ALK: variants seen among roughly 807,000 people sequenced by gnomAD.
The protein encoded by ALK is ALK receptor tyrosine kinase, also known as ALK tyrosine kinase receptor.
Under a neutral mutation model 163.1 loss-of-function variants are expected in ALK, and 74 were observed. That is an observed-to-expected ratio of 0.45 (90% CI 0.38 to 0.55). The LOEUF (loss-of-function observed/expected upper bound fraction) is 0.55, where lower values mean the gene tolerates loss of function less well. ALK is among the 20% of genes least tolerant of loss of function. The pLI is 0.00. For missense variants in ALK, 2,063 were observed against 2,105.3 expected, an observed-to-expected ratio of 0.98 and a Z score of 0.39; for synonymous variants, 960 against 843.2, an observed-to-expected ratio of 1.14 and a Z score of -2.40.
At chr2:29,817,152 A>T (rs1331721470) in intron 1 of ALK, among the ~76,000 whole-genome samples, 1 of 149,548 alleles carries the variant, frequency 6.7e-6, no homozygotes, top group Non-Finnish European at 1.5e-5. Flanking sequence ...CCAGCCTGAG[A>T]CCAACCAGGT....
At chr2:29,627,785 G>C (rs1400582342) in intron 3 of ALK, among the ~76,000 whole-genome samples, 1 of 152,204 alleles carries the variant, frequency 6.6e-6, no homozygotes, top group African/African-American at 2.4e-5. Context: ...TCATCTTTCT[G>C]TCAGGCTGCA....
intron 3 of ALK, among the ~76,000 whole-genome samples, chr2:29,681,973 G>C (rs748443304): frequency 5.9e-5 from 9 of 152,154 alleles, no homozygotes; most frequent in Non-Finnish European, 1.2e-4. Context: ...AACTAAGCTT[G>C]TTTCTCTAGC....
intron 6 of ALK, among the ~76,000 whole-genome samples, chr2:29,326,843 C>T (rs958027542): frequency 3.9e-5 from 6 of 152,150 alleles, no homozygotes; most frequent in Non-Finnish European, 5.9e-5. Context: ...TGTTTTAAAA[C>T]GTATTTTGGA....
rs372410498 is a variant in ALK, at chr2:29,921,581, G to T, written c.-922C>A. The T allele has an allele frequency of 1.7e-4, 40 of 230,248 alleles. No individual in the cohort carries two copies. The highest frequency in any genetic ancestry group is 8.6e-4 in the African/African-American group (39 of 45,164). 14.3% of individuals were successfully genotyped at this position (230,248 alleles called of 1,614,324 possible). A position where few individuals can be genotyped will look rare whatever the true frequency, so the allele number is the denominator to read the frequency against. On this transcript the variant is annotated 5_prime_UTR_variant, in exon 1 of 29. Coordinates refer to ENST00000389048, the MANE Select transcript of ALK (RefSeq NM_004304.5). ...CTGCCGCCCCCAGAGCCGCTGGATC[G>T]CATCTGCCTGGGCGCCCGCCACTTG...
intron 4 of ALK, among the ~76,000 whole-genome samples, chr2:29,419,784 A>G (rs1669972599): frequency 6.6e-6 from 1 of 151,484 alleles, no homozygotes; most frequent in Non-Finnish European, 1.5e-5. Flanking sequence ...AAGAATGGAG[A>G]CACCTTGGGA....
chr2:29,526,442 G>C (rs144420973), intron 4 of ALK, among the ~76,000 whole-genome samples: 1 of 152,278 alleles, frequency 6.6e-6, no homozygotes, highest in Non-Finnish European at 1.5e-5. Flanking sequence ...GAGTTTTAAG[G>C]CTTTTAAAAA....
chr2:29,663,130 G>A (rs1448660469), intron 3 of ALK, among the ~76,000 whole-genome samples: 2 of 152,032 alleles, frequency 1.3e-5, no homozygotes, highest in African/African-American at 4.8e-5. Context: ...TCCTTAAAGG[G>A]CAATTCATAA....
chr2:29,443,291 A>G (rs1347660653), intron 4 of ALK, among the ~76,000 whole-genome samples: 1 of 152,220 alleles, frequency 6.6e-6, no homozygotes, highest in Non-Finnish European at 1.5e-5. Flanking sequence ...CCCAGAGAGT[A>G]TCTGAGAACC....
At chr2:29,667,165 T>C (rs1436859785) in intron 3 of ALK, among the ~76,000 whole-genome samples, 1 of 152,156 alleles carries the variant, frequency 6.6e-6, no homozygotes, top group Non-Finnish European at 1.5e-5. Flanking sequence ...GTCTTTTAGA[T>C]ATATGCATTT....
At chr2:29,880,170 C>G (rs1204874361) in intron 1 of ALK, among the ~76,000 whole-genome samples, 2 of 152,222 alleles carry the variant, frequency 1.3e-5, no homozygotes, top group Admixed American at 6.5e-5. Flanking sequence ...TTTATCATCT[C>G]TCAGAGAAAA....
chr2:29,715,470 T>C (rs1303444605), intron 2 of ALK, among the ~76,000 whole-genome samples: 1 of 152,336 alleles, frequency 6.6e-6, no homozygotes, highest in East Asian at 1.9e-4. Context: ...ATAAGGAGGA[T>C]GAAGCTCAGG....
chr2:29,588,648 T>C (rs763844469), intron 3 of ALK, among the ~76,000 whole-genome samples: 39 of 152,198 alleles, frequency 2.6e-4, no homozygotes, highest in Non-Finnish European at 5.3e-4. Context: ...GTAAATATTT[T>C]ATGCTTTGTG....
At chr2:29,866,980 C>T (rs1196353879) in intron 1 of ALK, among the ~76,000 whole-genome samples, 2 of 152,160 alleles carry the variant, frequency 1.3e-5, no homozygotes, top group African/African-American at 4.8e-5. Context: ...AACCTTTTGG[C>T]TGAAATACAT....
chr2:29,598,080 T>C (rs570418527), intron 3 of ALK, among the ~76,000 whole-genome samples: 1 of 152,308 alleles, frequency 6.6e-6, no homozygotes, highest in African/African-American at 2.4e-5. Flanking sequence ...CAGACTGGAG[T>C]GCAATGGTGC....
intron 4 of ALK, among the ~76,000 whole-genome samples, chr2:29,509,661 T>C (rs1471457263): frequency 6.6e-6 from 1 of 152,190 alleles, no homozygotes; most frequent in Non-Finnish European, 1.5e-5. Context: ...CAAAGACACA[T>C]AGTTGGAATC....
At chr2:29,471,589 T>C (rs1364112154) in intron 4 of ALK, among the ~76,000 whole-genome samples, 3 of 152,224 alleles carry the variant, frequency 2.0e-5, no homozygotes, top group African/African-American at 7.2e-5. Context: ...TCATTACCTA[T>C]TCGTGATGAA....
chr2:29,561,189 C>A (rs144935971), intron 3 of ALK, among the ~76,000 whole-genome samples: 120 of 152,100 alleles, frequency 7.9e-4, no homozygotes, highest in African/African-American at 2.6e-3. Flanking sequence ...GTATGTAGCT[C>A]GCATTATATT....
At chr2:29,223,608 C>A (rs1669871207) in intron 19 of ALK, 80 bp from the exon 20 acceptor site, 1 of 1,426,398 alleles carries the variant, frequency 7.0e-7, no homozygotes, top group Non-Finnish European at 9.7e-7. Context: ...CTACAGGAAG[C>A]CTCCCTGGAT....
chr2:29,523,362 C>T (rs13392793), intron 4 of ALK, among the ~76,000 whole-genome samples: 9,278 of 152,224 alleles, frequency 0.061, 483 homozygotes, highest in African/African-American at 0.14. Context: ...TTCCTTATGG[C>T]CTCATAACTG....
Sources: allele counts gnomAD v4.1 joint callset (sites outside exome capture counted in the v4.1 genomes callset), GRCh38; gene constraint gnomAD v4.1.1; transcripts MANE v1.5; gene names NCBI Gene and HGNC (gene_info 2026-07-23, HGNC 2026-07-21).